ESR1: variants seen among roughly 807,000 people sequenced by gnomAD.
ESR1 encodes estrogen receptor 1, also known as estrogen receptor.
ESR1 carries 12 observed loss-of-function variants against 52.7 expected under a neutral mutation model. The ratio of observed to expected loss-of-function variants is 0.23; its 90% CI spans 0.15 to 0.37. The LOEUF is 0.37. Ranked by LOEUF, ESR1 falls within the 10% of genes least tolerant of loss-of-function variation. ESR1 has a pLI of 1.00. For missense variants in ESR1, 584 were observed against 779.7 expected (o/e 0.75, Z 2.99); for synonymous variants, 305 against 316.8 (o/e 0.96, Z 0.39).
intron 6 of ESR1, among the ~76,000 whole-genome samples, chr6:152,119,863 C>T (rs2051261354): frequency 6.6e-6 from 1 of 152,184 alleles, no homozygotes; most frequent in Admixed American, 6.5e-5. Context: ...ATTGGCCAAT[C>T]AATCATCTGG....
At chr6:151,753,555 T>C (rs1327108983) in intron 2 of ESR1, among the ~76,000 whole-genome samples, 1 of 152,182 alleles carries the variant, frequency 6.6e-6, no homozygotes, top group African/African-American at 2.4e-5. Flanking sequence ...TGGCCTCAAG[T>C]GATCCACCCA....
chr6:151,877,935 G>A (rs1462038453), intron 2 of ESR1, among the ~76,000 whole-genome samples: 2 of 151,632 alleles, frequency 1.3e-5, no homozygotes, highest in African/African-American at 2.4e-5. Context: ...TCAGCCTCCC[G>A]AGTAGCTAGG....
chr6:151,912,653 A>G (rs1292218105), intron 3 of ESR1, among the ~76,000 whole-genome samples: 1 of 152,196 alleles, frequency 6.6e-6, no homozygotes, highest in African/African-American at 2.4e-5. Context: ...GCACCACGGA[A>G]GAGTCTTAGG....
chr6:151,933,072 C>A (rs1273133299), intron 3 of ESR1, among the ~76,000 whole-genome samples: 1 of 151,862 alleles, frequency 6.6e-6, no homozygotes, highest in East Asian at 1.9e-4. Context: ...GATATTGATT[C>A]TTCCTACCCA....
intron 4 of ESR1, among the ~76,000 whole-genome samples, chr6:151,969,119 G>A (rs1408583423): frequency 1.3e-5 from 2 of 152,130 alleles, no homozygotes; most frequent in Non-Finnish European, 2.9e-5. Flanking sequence ...TTGCTCCAGG[G>A]TGCTTTGCAT....
chr6:152,116,164 T>C (rs1352735770), intron 6 of ESR1, among the ~76,000 whole-genome samples: 1 of 152,188 alleles, frequency 6.6e-6, no homozygotes, highest in Non-Finnish European at 1.5e-5. Flanking sequence ...GGGCAGAATT[T>C]ATTAAAATTT....
intron 1 of ESR1, among the ~76,000 whole-genome samples, chr6:151,693,414 G>C (rs1779088867): frequency 6.7e-6 from 1 of 149,912 alleles, no homozygotes; most frequent in South Asian, 2.1e-4. Context: ...TAAAGTGTTG[G>C]AAGAGAAAGT....
chr6:151,736,632 G>A (rs1308213267), intron 2 of ESR1, among the ~76,000 whole-genome samples: 1 of 151,994 alleles, frequency 6.6e-6, no homozygotes, highest in African/African-American at 2.4e-5. Flanking sequence ...ACCCACCTTG[G>A]CCTCCTAAAG....
intron 3 of ESR1, among the ~76,000 whole-genome samples, chr6:151,886,080 T>C (rs1158772317): frequency 1.3e-5 from 2 of 152,066 alleles, no homozygotes; most frequent in African/African-American, 4.8e-5. Context: ...AATGGCAATT[T>C]CATCACTTCT....
chr6:151,975,914 A>G (rs1274332230), intron 4 of ESR1, among the ~76,000 whole-genome samples: 1 of 152,156 alleles, frequency 6.6e-6, no homozygotes, highest in Non-Finnish European at 1.5e-5. Context: ...GAATGCAGAG[A>G]TCAAGGAGCC....
chr6:151,778,139 T>A (rs1193317072), intron 2 of ESR1, among the ~76,000 whole-genome samples: 1 of 152,170 alleles, frequency 6.6e-6, no homozygotes, highest in African/African-American at 2.4e-5. Flanking sequence ...TCTCAATTTC[T>A]TTGTTTTTAA....
chr6:151,821,951 C>T (rs537636602), intron 1 of ESR1, among the ~76,000 whole-genome samples: 13 of 152,184 alleles, frequency 8.5e-5, no homozygotes, highest in African/African-American at 2.4e-4. Flanking sequence ...CTAATGTCCC[C>T]GTTACATGTG....
chr6:152,019,826 A>T, intron 5 of ESR1, among the ~76,000 whole-genome samples: 1 of 152,146 alleles, frequency 6.6e-6, no homozygotes, highest in East Asian at 1.9e-4. Flanking sequence ...TCTAAAATCC[A>T]GTTTTAAGAG....
At chr6:151,808,758 C>T (rs1041575591) in intron 1 of ESR1, among the ~76,000 whole-genome samples, 3 of 152,142 alleles carry the variant, frequency 2.0e-5, no homozygotes, top group Admixed American at 2.0e-4. Flanking sequence ...TCGCTCTTGG[C>T]ATTTAAAGTT....
At position 151,706,885 on chromosome 6, in the gene ESR1, G is replaced by A. The variant is rs147488260; in HGVS notation, c.-71+4880G>A. 3.0e-3 allele frequency among the ~76,000 whole-genome samples: 464 copies of A among 152,290 alleles called. 4 individuals are homozygous for A. The highest frequency in any genetic ancestry group is 0.011 in the African/African-American group (440 of 41,572). ...GAATCATAGGAAGGCTTTCTGTATA[G>A]CCTCTCTGAGAGCTGCCTACTGGAA... On this transcript the variant is annotated intron_variant, in intron 2 of 2. Coordinates refer to the ESR1 transcript ENST00000404742.
At chr6:151,947,349 G>A (rs946114910) in intron 4 of ESR1, among the ~76,000 whole-genome samples, 1 of 151,982 alleles carries the variant, frequency 6.6e-6, no homozygotes, top group Non-Finnish European at 1.5e-5. Context: ...AATAGTAAAT[G>A]TCATTAGTAA....
chr6:151,754,046 G>A (rs1562379179), intron 2 of ESR1, among the ~76,000 whole-genome samples: 1 of 152,182 alleles, frequency 6.6e-6, no homozygotes, highest in African/African-American at 2.4e-5. Context: ...AATCAGAGAT[G>A]CTCCCACAAA....
At chr6:151,940,432 C>A (rs2034917692) in intron 3 of ESR1, among the ~76,000 whole-genome samples, 1 of 152,200 alleles carries the variant, frequency 6.6e-6, no homozygotes, top group African/African-American at 2.4e-5. Flanking sequence ...AAATAGTCAT[C>A]TCTTTCCTCA....
chr6:151,955,083 C>T (rs894567359), intron 4 of ESR1, among the ~76,000 whole-genome samples: 1 of 152,124 alleles, frequency 6.6e-6, no homozygotes, highest in Non-Finnish European at 1.5e-5. Context: ...GCCCCAATCT[C>T]ATAAAATCAA....
Sources: allele counts gnomAD v4.1 joint callset (sites outside exome capture counted in the v4.1 genomes callset), GRCh38; gene constraint gnomAD v4.1.1; transcripts MANE v1.5; gene names NCBI Gene and HGNC (gene_info 2026-07-23, HGNC 2026-07-21).